Variants in SLC44A5 observed in about 807,000 individuals in gnomAD.
SLC44A5 encodes the protein choline transporter-like protein 5.
SLC44A5 carries 57 observed loss-of-function variants against 101.8 expected under a neutral mutation model. That is an observed-to-expected ratio of 0.56 (90% confidence interval 0.45 to 0.70). The LOEUF (loss-of-function observed/expected upper bound fraction) is 0.70. Among genes scored for constraint, SLC44A5 ranks in the 30% least tolerant of loss-of-function variants. The pLI, the probability that SLC44A5 is intolerant of heterozygous loss-of-function variation, is 0.00. For missense variants in SLC44A5, 737 were observed against 853.1 expected, an observed-to-expected ratio of 0.86 and a Z score of 1.70; for synonymous variants, 281 against 290.9, an observed-to-expected ratio of 0.97 and a Z score of 0.35.
chr1:75,615,121 G>A (rs892484186), upstream of SLC44A5, among the ~76,000 whole-genome samples: 15 of 151,972 alleles, frequency 9.9e-5, no homozygotes, highest in South Asian at 4.2e-4. Flanking sequence ...GCTTCTCTCC[G>A]CGAACTTTCC....
At chr1:75,287,196 G>A (rs191327450) in intron 5 of SLC44A5, among the ~76,000 whole-genome samples, 1 of 151,916 alleles carries the variant, frequency 6.6e-6, no homozygotes, top group East Asian at 1.9e-4. Flanking sequence ...TTTGAGCTCT[G>A]AAGCTCTTTC....
intron 1 of SLC44A5, among the ~76,000 whole-genome samples, chr1:75,575,301 T>C (rs1673298665): frequency 6.6e-6 from 1 of 152,180 alleles, no homozygotes; most frequent in Non-Finnish European, 1.5e-5. Context: ...TTTAACACTT[T>C]AGTTTAATCA....
chr1:75,221,169 A>C (rs1343391771), intron 14 of SLC44A5, among the ~76,000 whole-genome samples: 2 of 152,182 alleles, frequency 1.3e-5, no homozygotes, highest in Non-Finnish European at 2.9e-5. Flanking sequence ...AACTATTTAA[A>C]CCACTGACTT....
chr1:75,434,369 T>C (rs1454712292), intron 2 of SLC44A5, among the ~76,000 whole-genome samples: 1 of 152,138 alleles, frequency 6.6e-6, no homozygotes, highest in African/African-American at 2.4e-5. Flanking sequence ...CAGAAGCTAT[T>C]AACTGATCTC....
the SLC44A5 span, among the ~76,000 whole-genome samples, chr1:75,663,405 A>G: frequency 1.3e-5 from 2 of 152,194 alleles, no homozygotes. Context: ...CTCTGATCTC[A>G]GATCTCCAGA....
Position 75,270,540 on chromosome 1 carries a change from A to G in SLC44A5, c.260+4418T>C, listed in dbSNP as rs139213840. On this transcript the variant is annotated intron_variant, in intron 6 of 23. Transcript: ENST00000370859. ...AAAATAAATTTCTAGGGAATTAGAA[A>G]TTTAAATATAAGAAGGAAGCCATCA... Among the ~76,000 whole-genome samples the G allele has an allele frequency of 8.1e-3, 1,229 of 152,244 alleles. 24 individuals are homozygous for G. The highest frequency in any genetic ancestry group is 0.028 in the African/African-American group (1,166 of 41,556).
chr1:75,427,948 C>T (rs1378686989), intron 2 of SLC44A5, among the ~76,000 whole-genome samples: 1 of 152,140 alleles, frequency 6.6e-6, no homozygotes, highest in Non-Finnish European at 1.5e-5. Flanking sequence ...TGGATGGAGC[C>T]ATGTTTCTAG....
rs956825986 is a variant in SLC44A5 at position 75,215,194 on chromosome 1, A to T, written c.1729-516T>A. ...ACCCTGTGCTACTGTGATAACAAGCAAATGTCATAAGGTTATACTGTAGCT... is the reference window on the plus strand; with the variant it reads ...ACCCTGTGCTACTGTGATAACAAGCTAATGTCATAAGGTTATACTGTAGCT... On this transcript the variant is annotated intron_variant, in intron 19 of 23. Transcript: ENST00000370859. Among the ~76,000 whole-genome samples the T allele has an allele frequency of 4.5e-4, 69 of 152,268 alleles. 1 individual carries two copies. Among genetic ancestry groups the T allele is most frequent in the Non-Finnish European group, 3.2e-4 (22 of 68,014 alleles).
intron 2 of SLC44A5, among the ~76,000 whole-genome samples, chr1:75,406,836 A>G (rs1021035956): frequency 1.3e-5 from 2 of 152,104 alleles, no homozygotes; most frequent in African/African-American, 4.8e-5. Context: ...CCTATTCAAC[A>G]TAGTATTAGA....
intron 4 of SLC44A5, among the ~76,000 whole-genome samples, chr1:75,302,112 G>GTTTTTTTTT (rs10684140): frequency 0.042 from 2,479 of 59,720 alleles, 34 homozygotes; most frequent in East Asian, 0.076. Flanking sequence ...TAGTTTTTTT[G>GTTTTTTTTT]TTTTTTTTTT....
chr1:75,352,712 G>C (rs896861596), intron 3 of SLC44A5, among the ~76,000 whole-genome samples: 1 of 152,058 alleles, frequency 6.6e-6, no homozygotes, highest in African/African-American at 2.4e-5. Flanking sequence ...TTTTCAAAAA[G>C]TTTGGCATGA....
At chr1:75,702,738 GA>G in the SLC44A5 span, among the ~76,000 whole-genome samples, 1 of 152,088 alleles carries the variant, frequency 6.6e-6, no homozygotes, top group South Asian at 2.1e-4. Context: ...CAGAATGGGA[GA>G]AAATTTTTGC....
At chr1:75,699,177 G>C in the SLC44A5 span, among the ~76,000 whole-genome samples, 7 of 151,976 alleles carry the variant, frequency 4.6e-5, no homozygotes, top group Admixed American at 3.9e-4. Flanking sequence ...TCCTCGAGAA[G>C]AGCAACTCCA....
At chr1:75,582,605 C>A (rs1256966196) in intron 1 of SLC44A5, 1 of 331,202 alleles carries the variant, frequency 3.0e-6, no homozygotes, top group Non-Finnish European at 5.5e-6. Flanking sequence ...ACTGGTGTGA[C>A]CCGCCCTGCA....
chr1:75,422,840 T>G (rs766145121), intron 2 of SLC44A5, among the ~76,000 whole-genome samples: 69 of 152,326 alleles, frequency 4.5e-4, no homozygotes, highest in Middle Eastern at 3.4e-3. Context: ...ATTTTGACTC[T>G]AGGTCTATTG....
At chr1:75,217,737 A>G (rs1646990858) in intron 18 of SLC44A5, 129 bp downstream of exon 18, 1 of 659,044 alleles carries the variant, frequency 1.5e-6, no homozygotes, top group African/African-American at 1.9e-5. Flanking sequence ...GTTTTCCTTC[A>G]GAACAGAACG....
chr1:75,687,579 C>T, the SLC44A5 span, among the ~76,000 whole-genome samples: 1 of 152,178 alleles, frequency 6.6e-6, no homozygotes, highest in African/African-American at 2.4e-5. Flanking sequence ...GCTGGGATTA[C>T]AGGCATGAGC....
At chr1:75,385,305 C>T (rs1177117191) in intron 3 of SLC44A5, among the ~76,000 whole-genome samples, 12 of 144,000 alleles carry the variant, frequency 8.3e-5, no homozygotes, top group South Asian at 2.3e-4. Context: ...ATTGATAGAC[C>T]GCTAGCAAGA....
chr1:75,260,652 C>A (rs1320967476), intron 6 of SLC44A5, among the ~76,000 whole-genome samples: 3 of 152,128 alleles, frequency 2.0e-5, no homozygotes, highest in Non-Finnish European at 4.4e-5. Flanking sequence ...GGGACCTGAA[C>A]TCAGCTCTGC....
Sources: allele counts gnomAD v4.1 joint callset (sites outside exome capture counted in the v4.1 genomes callset), GRCh38; gene constraint gnomAD v4.1.1; transcripts MANE v1.5; gene names NCBI Gene and HGNC (gene_info 2026-07-23, HGNC 2026-07-21).